The following SPAG16 variants were observed in gnomAD, a reference collection of about 807,000 sequenced individuals.
SPAG16 encodes the protein sperm associated antigen 16, also known as sperm-associated antigen 16 protein.
Under a neutral mutation model 80.4 loss-of-function variants are expected in SPAG16, and 86 were observed. The ratio of observed to expected loss-of-function variants is 1.07; its 90% CI spans 0.90 to 1.28. SPAG16 has a LOEUF of 1.28. SPAG16 is among the 50% of genes most tolerant of loss of function. The pLI, the probability that SPAG16 is intolerant of heterozygous loss-of-function variation, is 0.00. For synonymous variants in SPAG16, 294 were observed against 265.9 expected (o/e 1.11, Z -1.03); for missense variants, 870 against 765.3 (o/e 1.14, Z -1.61).
intron 4 of SPAG16, among the ~76,000 whole-genome samples, chr2:213,316,929 A>T (rs149128558): frequency 6.6e-6 from 1 of 152,044 alleles, no homozygotes; most frequent in Non-Finnish European, 1.5e-5. Flanking sequence ...TGGAAACTCC[A>T]TGAAATAGGG....
At chr2:214,007,338 G>A (rs1015597266) in intron 12 of SPAG16, among the ~76,000 whole-genome samples, 1 of 151,508 alleles carries the variant, frequency 6.6e-6, no homozygotes, top group African/African-American at 2.4e-5. Context: ...GCTCGTGCCT[G>A]CAATCCCAGC....
Position 213,450,380 on chromosome 2 carries a change from G to A in SPAG16, c.943-39583G>A, listed in dbSNP as rs948267745. On this transcript the variant is annotated intron_variant, in intron 9 of 15. Coordinates refer to ENST00000331683, the MANE Select transcript of SPAG16 (RefSeq NM_024532.5). ...TTGCTTCTGTTACTCAATTCTAGTT[G>A]TAATCAATGCCTAAGCTTTGATTAT... is the stretch of plus-strand genomic sequence containing the variant. Among the ~76,000 whole-genome samples, 5 of 152,292 alleles carry A rather than the reference G, an allele frequency of 3.3e-5. No homozygotes were observed. The South Asian group carries it at 1.0e-3, about 32-fold the overall frequency.
At chr2:213,620,208 T>A (rs2061724242) in intron 10 of SPAG16, among the ~76,000 whole-genome samples, 1 of 151,052 alleles carries the variant, frequency 6.6e-6, no homozygotes, top group East Asian at 1.9e-4. Context: ...TACAAAATTA[T>A]AGCTTGATAG....
intron 14 of SPAG16, among the ~76,000 whole-genome samples, chr2:214,145,940 C>T (rs1298065275): frequency 6.6e-6 from 1 of 152,054 alleles, no homozygotes; most frequent in Non-Finnish European, 1.5e-5. Context: ...GTTACAAAAA[C>T]AATCATAGCT....
At chr2:213,508,360 C>T (rs1159575932) in intron 10 of SPAG16, among the ~76,000 whole-genome samples, 2 of 152,126 alleles carry the variant, frequency 1.3e-5, no homozygotes, top group African/African-American at 4.8e-5. Context: ...ATCATGAGGT[C>T]AGGAGATCGA....
chr2:213,993,204 G>A (rs934726657), intron 12 of SPAG16, among the ~76,000 whole-genome samples: 1 of 152,276 alleles, frequency 6.6e-6, no homozygotes, highest in East Asian at 1.9e-4. Flanking sequence ...AGAATATAGA[G>A]AAGGTATATT....
intron 10 of SPAG16, among the ~76,000 whole-genome samples, chr2:213,821,907 C>T (rs1376631703): frequency 6.6e-6 from 1 of 152,122 alleles, no homozygotes; most frequent in Admixed American, 6.6e-5. Flanking sequence ...CTAAATAGTA[C>T]TCCATTTTTT....
intron 15 of SPAG16, chr2:214,281,544 A>G (rs1692937959): frequency 6.6e-6 from 1 of 152,338 alleles, no homozygotes; most frequent in African/African-American, 2.4e-5. Flanking sequence ...CTGATTTCTG[A>G]TGAAGTTGAT....
rs186657372 is a variant in SPAG16, at chr2:213,921,593, T to C, written c.1215-8367T>C. 2.9e-4 allele frequency among the ~76,000 whole-genome samples: 44 copies of C among 152,360 alleles called. 2 individuals carry two copies. The highest frequency in any genetic ancestry group is 7.8e-4 in the Admixed American group (12 of 15,308). ...TCATCATATTGTTAGCTGGTTATTA[T>C]GCAGACTTGTCTGTGTGGTTGCTTT... On this transcript the variant is annotated intron_variant, in intron 11 of 15. Coordinates refer to ENST00000331683, the MANE Select transcript of SPAG16 (RefSeq NM_024532.5).
intron 11 of SPAG16, among the ~76,000 whole-genome samples, chr2:213,896,439 G>T (rs2076992021): frequency 1.3e-5 from 2 of 151,532 alleles, no homozygotes; most frequent in South Asian, 4.2e-4. Context: ...TCCACTACTG[G>T]GTATATAATC....
intron 10 of SPAG16, among the ~76,000 whole-genome samples, chr2:213,518,336 T>C (rs2075524855): frequency 6.6e-6 from 1 of 152,180 alleles, no homozygotes; most frequent in Non-Finnish European, 1.5e-5. Flanking sequence ...AGCATGATCA[T>C]CGCTTACTGC....
intron 13 of SPAG16, among the ~76,000 whole-genome samples, chr2:214,016,568 G>C (rs1267846503): frequency 2.0e-5 from 3 of 152,144 alleles, no homozygotes; most frequent in Admixed American, 2.0e-4. Context: ...AGATGAATAG[G>C]AGAAAAGATT....
intron 15 of SPAG16, among the ~76,000 whole-genome samples, chr2:214,294,459 T>G (rs929252095): frequency 7.9e-5 from 12 of 152,216 alleles, no homozygotes; most frequent in Admixed American, 1.3e-4. Context: ...CTACTTGCCA[T>G]TTTGGTGTCA....
intron 9 of SPAG16, among the ~76,000 whole-genome samples, chr2:213,484,843 A>T (rs1325612885): frequency 6.6e-6 from 1 of 152,186 alleles, no homozygotes; most frequent in Non-Finnish European, 1.5e-5. Flanking sequence ...AGACTTTCTG[A>T]GTCCATGGAC....
chr2:213,913,993 T>G (rs1258373854), intron 11 of SPAG16, among the ~76,000 whole-genome samples: 1 of 152,166 alleles, frequency 6.6e-6, no homozygotes, highest in African/African-American at 2.4e-5. Context: ...TACTGATTTA[T>G]GTGTTTATTT....
intron 10 of SPAG16, among the ~76,000 whole-genome samples, chr2:213,523,291 G>A (rs982557974): frequency 1.1e-4 from 17 of 152,130 alleles, no homozygotes; most frequent in African/African-American, 2.9e-4. Flanking sequence ...GTTTGCTTCC[G>A]CTTCCACCAT....
chr2:214,284,334 T>A (rs1455289642), intron 15 of SPAG16, among the ~76,000 whole-genome samples: 1 of 152,222 alleles, frequency 6.6e-6, no homozygotes, highest in Non-Finnish European at 1.5e-5. Flanking sequence ...TAATTTCCTT[T>A]AGTTTGATTT....
chr2:213,608,847 C>A (rs2061352300), intron 10 of SPAG16, among the ~76,000 whole-genome samples: 1 of 152,186 alleles, frequency 6.6e-6, no homozygotes, highest in African/African-American at 2.4e-5. Context: ...CCACACCCAG[C>A]TAATTTTTTT....
At chr2:213,502,253 G>A (rs189757844) in intron 10 of SPAG16, among the ~76,000 whole-genome samples, 138 of 152,048 alleles carry the variant, frequency 9.1e-4, no homozygotes, top group Non-Finnish European at 1.6e-3. Context: ...AGCCTCCCCC[G>A]TAGCTGAGAC....
Sources: gnomAD v4.1 joint callset for allele counts (sites outside exome capture counted in the v4.1 genomes callset) on GRCh38, gnomAD v4.1.1 for gene constraint, MANE v1.5 for transcripts, NCBI Gene and HGNC (gene_info 2026-07-23, HGNC 2026-07-21) for gene names.